Variants in LAMA2 observed in about 807,000 individuals in gnomAD.
The protein encoded by LAMA2 is laminin subunit alpha-2.
LAMA2 carries 269 observed loss-of-function variants against 364.8 expected under a neutral mutation model. The observed-to-expected ratio is 0.74, with a 90% confidence interval of 0.67 to 0.82. LAMA2 has a LOEUF of 0.82. LAMA2 is among the 40% of genes least tolerant of loss of function. LAMA2 has a pLI of 0.00. For missense variants in LAMA2, 3,807 were observed against 3,873.2 expected (o/e 0.98, Z 0.45); for synonymous variants, 1,379 against 1,370.6 (o/e 1.01, Z -0.14).
chr6:129,442,732 G>A (rs1321629727), intron 43 of LAMA2: 6 of 367,590 alleles, frequency 1.6e-5, no homozygotes, highest in Admixed American at 4.1e-5. Context: ...TTCTCAACTG[G>A]TAGTGGCCTT....
intron 1 of LAMA2, among the ~76,000 whole-genome samples, chr6:128,953,054 C>A (rs1248070615): frequency 6.6e-6 from 1 of 152,156 alleles, no homozygotes; most frequent in Admixed American, 6.6e-5. Flanking sequence ...CTTAAAGTCC[C>A]TATTAATCTC....
At chr6:129,027,435 G>A (rs1785902525) in intron 1 of LAMA2, among the ~76,000 whole-genome samples, 1 of 152,030 alleles carries the variant, frequency 6.6e-6, no homozygotes, top group African/African-American at 2.4e-5. Flanking sequence ...GTAAGTGAAT[G>A]AAACTGTGTT....
In LAMA2 at chr6:129,124,867, C is replaced by T. The variant is rs530784320; in HGVS notation, c.640-19034C>T. 8.5e-5 allele frequency among the ~76,000 whole-genome samples: 13 copies of T among 152,284 alleles called. No homozygotes were observed. The South Asian group carries it at 2.7e-3, about 32-fold the overall frequency. On this transcript the variant is annotated intron_variant, in intron 4 of 64. Transcript: ENST00000421865. ...GTTAAGTGTCATTCCTGTACCCACT[C>T]CCTGAAAATCTGCTTGCTCTAGCTG... is the stretch of plus-strand genomic sequence containing the variant.
chr6:129,236,822 T>C (rs1230786613), intron 12 of LAMA2, among the ~76,000 whole-genome samples: 2 of 152,128 alleles, frequency 1.3e-5, no homozygotes, highest in Non-Finnish European at 2.9e-5. Context: ...AAGAGCACAG[T>C]ATAATTTTTA....
At chr6:129,439,222 A>G (rs1183795091) in intron 42 of LAMA2, among the ~76,000 whole-genome samples, 3 of 152,184 alleles carry the variant, frequency 2.0e-5, no homozygotes, top group African/African-American at 7.2e-5. Context: ...AAATTCTTAC[A>G]GTGTATTGTT....
rs370566215 is a variant in LAMA2 at position 128,898,018 on chromosome 6, T to C, written c.112+14661T>C. 2.6e-5 allele frequency among the ~76,000 whole-genome samples: 4 copies of C among 152,324 alleles called. No homozygotes were observed. In the East Asian group the frequency reaches 5.8e-4, roughly 22 times the overall value. ...AGTTATTTAACTTCTTTAAACCTGA[T>C]CATCCTCACCTTTAAGAGAATGAAA... is the stretch of plus-strand genomic sequence containing the variant. On this transcript the variant is annotated intron_variant, in intron 1 of 64. Coordinates refer to ENST00000421865, the MANE Select transcript of LAMA2 (RefSeq NM_000426.4).
intron 48 of LAMA2, among the ~76,000 whole-genome samples, chr6:129,459,815 G>A (rs1180212065): frequency 6.6e-6 from 1 of 152,016 alleles, no homozygotes. Flanking sequence ...ACTGAGATTG[G>A]TGTCATAAAT....
rs1258266408 is a variant in LAMA2 at position 129,403,739 on chromosome 6, G to A, written c.5727-82G>A. ...ATATATTGGCCATGATCATTTGGAA[G>A]CCAGATTTCATATAATTAGGACGTT... On this transcript the variant is annotated intron_variant, in intron 39 of 64. Coordinates refer to ENST00000421865, the MANE Select transcript of LAMA2 (RefSeq NM_000426.4). The A allele has an allele frequency of 1.8e-5, 23 of 1,310,010 alleles. 1 individual carries two copies. In the Middle Eastern group the frequency reaches 2.6e-3, roughly 147 times the overall value. The allele number at this position is 1,310,010 out of a possible 1,614,324, so 81.1% of individuals were successfully genotyped here.
At chr6:129,505,971 T>C (rs12523864) in intron 61 of LAMA2, among the ~76,000 whole-genome samples, 95,460 of 152,098 alleles carry the variant, frequency 0.63, 31,027 homozygotes, top group Non-Finnish European at 0.71. Flanking sequence ...AAGTTAATCT[T>C]TTTTAACAAA....
intron 1 of LAMA2, among the ~76,000 whole-genome samples, chr6:129,019,670 GTTGATTC>G (rs1413601420): frequency 1.3e-5 from 2 of 151,974 alleles, no homozygotes; most frequent in Non-Finnish European, 2.9e-5. Flanking sequence ...CCTGTTTAAT[GTTGATTC>G]TTCTTTTCCA....
chr6:129,058,138 T>C (rs1430206067), intron 2 of LAMA2, among the ~76,000 whole-genome samples: 1 of 152,126 alleles, frequency 6.6e-6, no homozygotes, highest in Non-Finnish European at 1.5e-5. Context: ...CAGCCTCCAC[T>C]CCTGCCATCC....
intron 20 of LAMA2, among the ~76,000 whole-genome samples, chr6:129,295,083 T>C (rs1400697500): frequency 6.6e-6 from 1 of 152,150 alleles, no homozygotes; most frequent in Non-Finnish European, 1.5e-5. Flanking sequence ...AGCTGAGAGC[T>C]CAGACTCTGG....
At chr6:129,109,636 A>G (rs973789170) in intron 4 of LAMA2, among the ~76,000 whole-genome samples, 2 of 152,032 alleles carry the variant, frequency 1.3e-5, no homozygotes, top group Non-Finnish European at 2.9e-5. Context: ...AAAGATATAT[A>G]TTTCTCCAAA....
intron 1 of LAMA2, among the ~76,000 whole-genome samples, chr6:129,046,580 C>T (rs1196651570): frequency 1.3e-5 from 2 of 152,162 alleles, no homozygotes; most frequent in Non-Finnish European, 1.5e-5. Context: ...ACAGGCGCTA[C>T]AATTCAAGAT....
At chr6:129,019,439 C>G (rs1349782702) in intron 1 of LAMA2, among the ~76,000 whole-genome samples, 3 of 151,556 alleles carry the variant, frequency 2.0e-5, no homozygotes, top group African/African-American at 7.3e-5. Context: ...TATCATTTCT[C>G]TCATATTTTC....
chr6:129,485,010 G>A (rs541048006), intron 55 of LAMA2, among the ~76,000 whole-genome samples: 2 of 152,100 alleles, frequency 1.3e-5, no homozygotes, highest in South Asian at 4.1e-4. Flanking sequence ...GGAGAAAAGT[G>A]TTATTTTATT....
chr6:129,106,509 A>G (rs529913234), intron 4 of LAMA2, among the ~76,000 whole-genome samples: 2 of 152,128 alleles, frequency 1.3e-5, no homozygotes, highest in African/African-American at 4.8e-5. Flanking sequence ...TTGGTTTTCA[A>G]TAGAAATTTA....
At chr6:128,892,317 G>C (rs1317291864) in intron 1 of LAMA2, among the ~76,000 whole-genome samples, 1 of 151,942 alleles carries the variant, frequency 6.6e-6, no homozygotes, top group Non-Finnish European at 1.5e-5. Flanking sequence ...AGTTATGTTA[G>C]TAGCTCTGTG....
intron 29 of LAMA2, among the ~76,000 whole-genome samples, chr6:129,340,480 A>G (rs1186213885): frequency 6.6e-6 from 1 of 152,174 alleles, no homozygotes; most frequent in Non-Finnish European, 1.5e-5. Context: ...ATAATGTGGC[A>G]ATATACTGAA....
Sources: gnomAD v4.1 joint callset for allele counts (sites outside exome capture counted in the v4.1 genomes callset) on GRCh38, gnomAD v4.1.1 for gene constraint, MANE v1.5 for transcripts, NCBI Gene and HGNC (gene_info 2026-07-23, HGNC 2026-07-21) for gene names.